Variants in WDPCP observed in about 807,000 individuals in gnomAD.
WDPCP encodes WD repeat-containing and planar cell polarity effector protein fritz homolog.
Under a neutral mutation model 93.1 loss-of-function variants are expected in WDPCP, and 71 were observed. The observed-to-expected ratio is 0.76, with a 90% CI of 0.63 to 0.93. The LOEUF (loss-of-function observed/expected upper bound fraction) is 0.93, where lower values mean the gene tolerates loss of function less well. Ranked by LOEUF, WDPCP falls within the 40% of genes least tolerant of loss-of-function variation. The pLI is 0.00. For synonymous variants in WDPCP, 315 were observed against 315.0 expected, an observed-to-expected ratio of 1.00 and a Z score of 0.00; for missense variants, 844 against 887.4, an observed-to-expected ratio of 0.95 and a Z score of 0.62.
At chr2:63,536,368 C>A (rs985358607) in intron 1 of WDPCP, among the ~76,000 whole-genome samples, 1 of 152,084 alleles carries the variant, frequency 6.6e-6, no homozygotes, top group African/African-American at 2.4e-5. Context: ...GGGCATATAC[C>A]CAAAGGATTA....
At chr2:63,370,405 T>C (rs925226090) in intron 12 of WDPCP, among the ~76,000 whole-genome samples, 5 of 152,208 alleles carry the variant, frequency 3.3e-5, no homozygotes, top group African/African-American at 4.8e-5. Context: ...CAGACCACTC[T>C]AGGCTTAAAC....
chr2:63,787,398 C>T (rs1446026361), intron 2 of WDPCP, among the ~76,000 whole-genome samples: 1 of 152,062 alleles, frequency 6.6e-6, no homozygotes, highest in Non-Finnish European at 1.5e-5. Flanking sequence ...AGTTTCTCTA[C>T]TTATACCTGC....
At chr2:63,479,761 A>T (rs1234198020) in intron 6 of WDPCP, among the ~76,000 whole-genome samples, 1 of 152,120 alleles carries the variant, frequency 6.6e-6, no homozygotes, top group East Asian at 1.9e-4. Flanking sequence ...CAAGACAAGG[A>T]TGCTGACCCT....
At chr2:63,174,646 T>A in intron 15 of WDPCP, 24 bp downstream of exon 15, 2 of 1,613,408 alleles carry the variant, frequency 1.2e-6, no homozygotes, top group Non-Finnish European at 1.7e-6. Context: ...TATGGAGCAA[T>A]TTCCTCAGTT....
At chr2:63,394,015 A>C (rs1693503830) in intron 10 of WDPCP, among the ~76,000 whole-genome samples, 1 of 152,214 alleles carries the variant, frequency 6.6e-6, no homozygotes, top group Admixed American at 6.5e-5. Context: ...GCCCTGGCAA[A>C]GATTTCATGA....
rs187364461 is a variant in WDPCP at position 63,750,262 on chromosome 2, A to T, written n.308+63360T>A. 8.3e-4 allele frequency among the ~76,000 whole-genome samples: 126 copies of T among 152,196 alleles called. 2 individuals are homozygous for T. The East Asian group carries it at 0.023, about 27-fold the overall frequency. Reference sequence around the variant, plus strand: ...TAAAATAAATTTCTCTTGCCTCACAATTTTGCCTAGGTTTAGTTATATAAG... The same window carrying T: ...TAAAATAAATTTCTCTTGCCTCACATTTTTGCCTAGGTTTAGTTATATAAG... On this transcript the variant is annotated intron_variant and non_coding_transcript_variant, in intron 2 of 4. Coordinates refer to the WDPCP transcript ENST00000467687.
At chr2:63,219,763 G>T (rs143672721) in intron 14 of WDPCP, among the ~76,000 whole-genome samples, 6,816 of 152,274 alleles carry the variant, frequency 0.045, 219 homozygotes, top group Middle Eastern at 0.095. Context: ...CATTTTGGGA[G>T]GCTGAGGCGG....
chr2:63,491,202 G>A (rs1700854744), intron 2 of WDPCP, among the ~76,000 whole-genome samples: 1 of 152,092 alleles, frequency 6.6e-6, no homozygotes, highest in African/African-American at 2.4e-5. Flanking sequence ...TTAGGTCTCT[G>A]TTGTACTTTT....
chr2:63,539,506 G>A (rs2106294384), intron 1 of WDPCP, among the ~76,000 whole-genome samples: 1 of 152,264 alleles, frequency 6.6e-6, no homozygotes, highest in South Asian at 2.1e-4. Flanking sequence ...AACCAGCCTG[G>A]CCAACATGGT....
At chr2:63,159,699 A>C (rs1007652267) in intron 15 of WDPCP, among the ~76,000 whole-genome samples, 2 of 152,162 alleles carry the variant, frequency 1.3e-5, no homozygotes, top group Non-Finnish European at 2.9e-5. Flanking sequence ...GCCTCTTTGC[A>C]GGGCTGTTTG....
chr2:63,266,855 T>G (rs1410564100), intron 13 of WDPCP, among the ~76,000 whole-genome samples: 1 of 152,122 alleles, frequency 6.6e-6, no homozygotes, highest in Admixed American at 6.6e-5. Context: ...TGGAAAGATA[T>G]CCCATATTCA....
chr2:63,297,186 G>A (rs569885264), intron 13 of WDPCP, among the ~76,000 whole-genome samples: 4 of 152,148 alleles, frequency 2.6e-5, no homozygotes, highest in African/African-American at 9.7e-5. Context: ...CAGGAGAACT[G>A]TTACCGCTTG....
At chr2:63,134,145 C>T (rs1670464925) in intron 17 of WDPCP, among the ~76,000 whole-genome samples, 1 of 152,084 alleles carries the variant, frequency 6.6e-6, no homozygotes, top group African/African-American at 2.4e-5. Flanking sequence ...CAATACAACC[C>T]TGAATAATAT....
At chr2:63,789,142 T>C (rs1670509011) in intron 2 of WDPCP, among the ~76,000 whole-genome samples, 1 of 152,194 alleles carries the variant, frequency 6.6e-6, no homozygotes, top group Non-Finnish European at 1.5e-5. Context: ...CAGACAAAAA[T>C]ATAGAAAAAT....
intron 13 of WDPCP, among the ~76,000 whole-genome samples, chr2:63,297,370 C>T (rs538324894): frequency 6.6e-6 from 1 of 152,290 alleles, no homozygotes; most frequent in Non-Finnish European, 1.5e-5. Context: ...GGACTCCAGA[C>T]ACACATTCTT....
At chr2:63,648,400 T>G (rs1268293563) in intron 3 of WDPCP, among the ~76,000 whole-genome samples, 1 of 152,206 alleles carries the variant, frequency 6.6e-6, no homozygotes, top group Non-Finnish European at 1.5e-5. Context: ...GAAGTATTAT[T>G]TATATACAAT....
intron 2 of WDPCP, among the ~76,000 whole-genome samples, chr2:63,679,653 G>C (rs969931836): frequency 6.6e-6 from 1 of 152,108 alleles, no homozygotes; most frequent in East Asian, 1.9e-4. Context: ...AGCAAGCTAG[G>C]CCAGCATTTC....
At chr2:63,436,548 C>T (rs896785316) in intron 8 of WDPCP, among the ~76,000 whole-genome samples, 1 of 152,154 alleles carries the variant, frequency 6.6e-6, no homozygotes, top group African/African-American at 2.4e-5. Context: ...GAGCTAGCTT[C>T]TCAAACTCTT....
chr2:63,352,493 G>A (rs574508328), intron 12 of WDPCP, among the ~76,000 whole-genome samples: 29 of 152,144 alleles, frequency 1.9e-4, no homozygotes, highest in Admixed American at 3.9e-4. Context: ...GTTGAGTGCC[G>A]ATACTTTATA....
Sources: gnomAD v4.1 joint callset for allele counts (sites outside exome capture counted in the v4.1 genomes callset) on GRCh38, gnomAD v4.1.1 for gene constraint, MANE v1.5 for transcripts, NCBI Gene and HGNC (gene_info 2026-07-23, HGNC 2026-07-21) for gene names.